MAML2: variants seen among roughly 807,000 people sequenced by gnomAD.
MAML2 encodes mastermind like transcriptional coactivator 2, also known as mastermind-like protein 2.
Under a neutral mutation model 96.1 loss-of-function variants are expected in MAML2, and 22 were observed. The ratio of observed to expected loss-of-function variants is 0.23; its 90% CI spans 0.16 to 0.33. The LOEUF is 0.33. Ranked by LOEUF, MAML2 falls within the 10% of genes least tolerant of loss-of-function variation. The probability of loss-of-function intolerance (pLI) is 1.00; values close to 1 mark genes in which losing one functional copy is unlikely to be tolerated. For missense variants in MAML2, 1,367 were observed against 1,392.4 expected, an observed-to-expected ratio of 0.98 and a Z score of 0.29; for synonymous variants, 561 against 521.3, an observed-to-expected ratio of 1.08 and a Z score of -1.04.
chr11:96,022,211 C>G (rs1858446649), intron 2 of MAML2, among the ~76,000 whole-genome samples: 2 of 152,274 alleles, frequency 1.3e-5, no homozygotes, highest in South Asian at 4.1e-4. Context: ...ACAGTATTCC[C>G]AAGGGTTATC....
chr11:96,095,294 G>GA (rs1249512608), intron 1 of MAML2, among the ~76,000 whole-genome samples: 2 of 152,130 alleles, frequency 1.3e-5, no homozygotes, highest in Non-Finnish European at 2.9e-5. Flanking sequence ...AGCTGAGTGG[G>GA]AAAAATCTGC....
chr11:96,255,962 C>T (rs1231170130), intron 1 of MAML2, among the ~76,000 whole-genome samples: 3 of 150,242 alleles, frequency 2.0e-5, no homozygotes, highest in Non-Finnish European at 4.4e-5. Flanking sequence ...CAACCTCTGC[C>T]TCCCGGGTTC....
chr11:96,294,824 G>A (rs941969496), intron 1 of MAML2, among the ~76,000 whole-genome samples: 1 of 152,174 alleles, frequency 6.6e-6, no homozygotes, highest in Non-Finnish European at 1.5e-5. Context: ...GGCTCAGGGA[G>A]GCTAAGAAAA....
chr11:96,015,518 C>G (rs1344203085), intron 2 of MAML2, among the ~76,000 whole-genome samples: 1 of 131,578 alleles, frequency 7.6e-6, no homozygotes, highest in Non-Finnish European at 1.5e-5. Context: ...TCTATTGGGC[C>G]AATTCAATAG....
At chr11:96,044,502 T>G (rs1164508890) in intron 2 of MAML2, among the ~76,000 whole-genome samples, 1 of 152,196 alleles carries the variant, frequency 6.6e-6, no homozygotes, top group African/African-American at 2.4e-5. Context: ...GGCATTGTGC[T>G]AGGCTTAAGA....
At chr11:96,309,236 G>T (rs2136003200) in intron 1 of MAML2, among the ~76,000 whole-genome samples, 1 of 152,252 alleles carries the variant, frequency 6.6e-6, no homozygotes, top group South Asian at 2.1e-4. Flanking sequence ...GTTTTAGTAT[G>T]AAGTGCTTGA....
intron 3 of MAML2, among the ~76,000 whole-genome samples, chr11:95,987,486 T>A (rs1565181767): frequency 6.6e-6 from 1 of 152,286 alleles, no homozygotes; most frequent in East Asian, 1.9e-4. Flanking sequence ...AAAATAAAAA[T>A]AATCAGCATA....
chr11:96,286,355 G>A (rs1462362994), intron 1 of MAML2, among the ~76,000 whole-genome samples: 1 of 152,166 alleles, frequency 6.6e-6, no homozygotes, highest in Non-Finnish European at 1.5e-5. Flanking sequence ...GCATCAGGAA[G>A]AATAACTAAT....
intron 1 of MAML2, among the ~76,000 whole-genome samples, chr11:96,240,466 C>T (rs1862418789): frequency 6.8e-6 from 1 of 145,994 alleles, no homozygotes; most frequent in South Asian, 2.2e-4. Flanking sequence ...AGGAGAATGG[C>T]GTGAACCCCG....
chr11:96,171,255 G>A (rs906779179), intron 1 of MAML2, among the ~76,000 whole-genome samples: 1 of 152,114 alleles, frequency 6.6e-6, no homozygotes, highest in Non-Finnish European at 1.5e-5. Context: ...CATTGTCTGC[G>A]ATTATTATCT....
chr11:96,254,638 T>C (rs1365185981), intron 1 of MAML2, among the ~76,000 whole-genome samples: 1 of 151,600 alleles, frequency 6.6e-6, no homozygotes, highest in Non-Finnish European at 1.5e-5. Context: ...TCAAAAGAAC[T>C]CAAACACCTG....
In MAML2 at chr11:96,311,792, A is replaced by AT. The variant is rs149023457; in HGVS notation, c.513+29590dup. ...TTGTCTACATTTGCTTTTCTAAATAATTTTTTCAAGATCCTTTTTGTGACT... is the reference window on the plus strand; with the variant it reads ...TTGTCTACATTTGCTTTTCTAAATAATTTTTTTCAAGATCCTTTTTGTGACT... On this transcript the variant is annotated intron_variant, in intron 1 of 4. Coordinates refer to ENST00000524717, the MANE Select transcript of MAML2 (RefSeq NM_032427.4). Among the ~76,000 whole-genome samples, 291 of 152,264 alleles carry AT rather than the reference A, an allele frequency of 1.9e-3. 3 individuals are homozygous for AT. The highest frequency in any genetic ancestry group is 6.6e-3 in the African/African-American group (273 of 41,534).
intron 1 of MAML2, among the ~76,000 whole-genome samples, chr11:96,153,375 C>T (rs1262604869): frequency 6.6e-6 from 1 of 152,160 alleles, no homozygotes; most frequent in Non-Finnish European, 1.5e-5. Context: ...CTTACCCTGC[C>T]TCTTCCTAAC....
At chr11:96,334,330 A>G (rs1863890397) in intron 1 of MAML2, among the ~76,000 whole-genome samples, 1 of 152,228 alleles carries the variant, frequency 6.6e-6, no homozygotes, top group South Asian at 2.1e-4. Flanking sequence ...TTGAGCCTTT[A>G]CGAGGTGCTA....
chr11:96,082,738 G>A (rs1477793151), intron 2 of MAML2, among the ~76,000 whole-genome samples: 1 of 152,192 alleles, frequency 6.6e-6, no homozygotes, highest in African/African-American at 2.4e-5. Context: ...ACTACCATCT[G>A]GAGGGACAAG....
At chr11:95,998,926 G>T (rs546523132) in intron 2 of MAML2, among the ~76,000 whole-genome samples, 16 of 152,170 alleles carry the variant, frequency 1.1e-4, no homozygotes, top group Non-Finnish European at 2.2e-4. Context: ...CACTGAGGTT[G>T]CAATCTATGT....
intron 2 of MAML2, among the ~76,000 whole-genome samples, chr11:96,009,601 C>T (rs146463639): frequency 2.0e-5 from 3 of 152,290 alleles, no homozygotes; most frequent in Non-Finnish European, 2.9e-5. Flanking sequence ...TGTGTACTTA[C>T]TACTCTACTG....
chr11:96,075,418 A>G (rs1396541161), intron 2 of MAML2, among the ~76,000 whole-genome samples: 12 of 152,142 alleles, frequency 7.9e-5, no homozygotes, highest in Admixed American at 7.9e-4. Flanking sequence ...AAGTCTGACA[A>G]ATTGTATGGT....
intron 2 of MAML2, among the ~76,000 whole-genome samples, chr11:96,083,158 C>G (rs1299017408): frequency 6.6e-6 from 1 of 152,150 alleles, no homozygotes; most frequent in Non-Finnish European, 1.5e-5. Flanking sequence ...GGAGCTGCCC[C>G]CCTCCAGTGT....
Sources: allele counts gnomAD v4.1 joint callset (sites outside exome capture counted in the v4.1 genomes callset), GRCh38; gene constraint gnomAD v4.1.1; transcripts MANE v1.5; gene names NCBI Gene and HGNC (gene_info 2026-07-23, HGNC 2026-07-21).